Variants in ZDHHC19 observed in about 807,000 individuals in gnomAD.
ZDHHC19 encodes palmitoyltransferase ZDHHC19.
ZDHHC19 carries 30 observed loss-of-function variants against 33.9 expected under a neutral mutation model. That is an observed-to-expected ratio of 0.88 (90% confidence interval 0.66 to 1.20). The LOEUF is 1.20. ZDHHC19 is among the 50% of genes most tolerant of loss of function. The probability of loss-of-function intolerance (pLI) is 0.00; values close to 1 mark genes in which losing one functional copy is unlikely to be tolerated. For missense variants in ZDHHC19, 364 were observed against 401.1 expected (o/e 0.91, Z 0.79); for synonymous variants, 178 against 167.6 (o/e 1.06, Z -0.48).
At chr3:196,201,042 T>C (rs1452052895) in intron 5 of ZDHHC19, among the ~76,000 whole-genome samples, 1 of 151,714 alleles carries the variant, frequency 6.6e-6, no homozygotes, top group Non-Finnish European at 1.5e-5. Flanking sequence ...AAAGGAATGA[T>C]GATCTTTAAT....
chr3:196,210,331 A>C (rs967562935), intron 2 of ZDHHC19, among the ~76,000 whole-genome samples: 2 of 135,108 alleles, frequency 1.5e-5, no homozygotes, highest in Non-Finnish European at 3.2e-5. Flanking sequence ...GAAGGAAAGA[A>C]AGAAAGAAAG....
intron 5 of ZDHHC19, among the ~76,000 whole-genome samples, chr3:196,201,663 G>A (rs565168662): frequency 6.6e-6 from 1 of 152,158 alleles, no homozygotes; most frequent in African/African-American, 2.4e-5. Flanking sequence ...GGAGGTTGCA[G>A]TGAGCCGAGA....
At chr3:196,208,065 G>A (rs1399430076) in intron 4 of ZDHHC19, among the ~76,000 whole-genome samples, 2 of 151,512 alleles carry the variant, frequency 1.3e-5, no homozygotes, top group African/African-American at 4.9e-5. Context: ...CATCACGCCC[G>A]GCTAATTTTT....
chr3:196,206,350 C>T (rs1300393721), intron 5 of ZDHHC19, among the ~76,000 whole-genome samples: 1 of 151,686 alleles, frequency 6.6e-6, no homozygotes, highest in Non-Finnish European at 1.5e-5. Context: ...CTGCACCCAG[C>T]CTGGGCATTT....
At chr3:196,210,954 C>T (rs149768095) in intron 1 of ZDHHC19, among the ~76,000 whole-genome samples, 3 of 151,942 alleles carry the variant, frequency 2.0e-5, no homozygotes, top group East Asian at 3.9e-4. Flanking sequence ...TTGACCTCTG[C>T]GCCTTTGCAC....
intron 5 of ZDHHC19, among the ~76,000 whole-genome samples, chr3:196,200,544 CG>C (rs1228932457): frequency 1.3e-5 from 2 of 149,130 alleles, no homozygotes; most frequent in Non-Finnish European, 3.0e-5. Context: ...TTAGTAGAGA[CG>C]GGGTTTCACC....
chr3:196,202,859 G>A (rs192090163), intron 5 of ZDHHC19, among the ~76,000 whole-genome samples: 21 of 152,344 alleles, frequency 1.4e-4, no homozygotes, highest in Non-Finnish European at 2.5e-4. Flanking sequence ...AGGAGACTTG[G>A]CTGCTGGAGA....
At chr3:196,205,092 T>G (rs1722633873) in intron 5 of ZDHHC19, among the ~76,000 whole-genome samples, 1 of 152,014 alleles carries the variant, frequency 6.6e-6, no homozygotes, top group Non-Finnish European at 1.5e-5. Flanking sequence ...GGTGACAGAG[T>G]GAGACTCCAT....
At chr3:196,204,773 T>A (rs1166520244) in intron 5 of ZDHHC19, among the ~76,000 whole-genome samples, 3 of 152,164 alleles carry the variant, frequency 2.0e-5, no homozygotes, top group Non-Finnish European at 4.4e-5. Context: ...TGCAAAATAG[T>A]ACCACTATTT....
chr3:196,204,806 T>A (rs1423513734), intron 5 of ZDHHC19, among the ~76,000 whole-genome samples: 1 of 152,186 alleles, frequency 6.6e-6, no homozygotes, highest in African/African-American at 2.4e-5. Context: ...TGGCAATTTA[T>A]TATGAAATTA....
chr3:196,205,253 A>T (rs1722644012), intron 5 of ZDHHC19, among the ~76,000 whole-genome samples: 1 of 152,244 alleles, frequency 6.6e-6, no homozygotes, highest in South Asian at 2.1e-4. Context: ...GAAATAACAC[A>T]AACATCTTCA....
At chr3:196,211,056 C>T (rs879740032) in intron 1 of ZDHHC19, 114 bp downstream of exon 1, 55 of 1,538,152 alleles carry the variant, frequency 3.6e-5, no homozygotes, top group Non-Finnish European at 4.6e-5. Context: ...AGAATATCCC[C>T]TTTTCCCTGA....
In ZDHHC19 at chr3:196,197,909, G is replaced by A. The variant is rs553233677; in HGVS notation, c.*20-184C>T. 3.1e-3 allele frequency among the ~76,000 whole-genome samples: 474 copies of A among 152,188 alleles called. 3 individuals carry two copies. The highest frequency in any genetic ancestry group is 0.014 in the Middle Eastern group (4 of 294). ...CTGATGCTCCACCTCCATGTCTCAC[G>A]GGGCTTCGAGTCAATGTTTCCTTTA... is the stretch of plus-strand genomic sequence containing the variant. On this transcript the variant is annotated intron_variant, in intron 7 of 7. Transcript: ENST00000296326. The surrounding 1 kb of genome is among the most constrained non-coding windows in gnomAD (Gnocchi z 4.4).
At chr3:196,201,285 C>G (rs1722328209) in intron 5 of ZDHHC19, among the ~76,000 whole-genome samples, 1 of 151,544 alleles carries the variant, frequency 6.6e-6, no homozygotes, top group African/African-American at 2.4e-5. Context: ...GTTGGCCAGT[C>G]TCGAACTCCT....
rs778974636 is a variant in ZDHHC19 at position 196,211,331 on chromosome 3, G to C, written c.-16C>G. 1 of 1,591,350 alleles carries C rather than the reference G, an allele frequency of 6.3e-7. No homozygotes were observed. Among genetic ancestry groups the C allele is most frequent in the Non-Finnish European group, 8.6e-7 (1 of 1,167,828 alleles). On this transcript the variant is annotated 5_prime_UTR_variant, in exon 1 of 8. Coordinates refer to ENST00000296326, the MANE Select transcript of ZDHHC19 (RefSeq NM_001039617.2). ...AGAGTGTCATGGCTGGGCCTCCTTC[G>C]CCTCCAGGGGAGGTCAGAGCCACCA...
chr3:196,209,766 T>C (rs2108741366), intron 2 of ZDHHC19, among the ~76,000 whole-genome samples: 2 of 152,314 alleles, frequency 1.3e-5, no homozygotes, highest in Non-Finnish European at 2.9e-5. Context: ...TGTCATTGTG[T>C]AGTGAAGGGA....
At chr3:196,208,619 A>C in intron 3 of ZDHHC19, 59 bp from the exon 4 acceptor site, 1 of 1,571,182 alleles carries the variant, frequency 6.4e-7, no homozygotes, top group Non-Finnish European at 8.6e-7. Context: ...AAATTCCATC[A>C]CCCCAAATCC....
At chr3:196,208,736 T>A in intron 3 of ZDHHC19, 176 bp from the exon 4 acceptor site, 1 of 692,532 alleles carries the variant, frequency 1.4e-6, no homozygotes, top group Non-Finnish European at 2.4e-6. Flanking sequence ...GCATTTCCCT[T>A]GTTAGAGCAC....
intron 6 of ZDHHC19, 126 bp from the exon 7 acceptor site, chr3:196,198,577 A>G (rs2108708832): frequency 6.4e-7 from 1 of 1,551,038 alleles, no homozygotes; most frequent in African/African-American, 1.4e-5. Context: ...AGCCTCATCC[A>G]GGATGCAGCA....
Sources: gnomAD v4.1 joint callset for allele counts (sites outside exome capture counted in the v4.1 genomes callset) on GRCh38, gnomAD v4.1.1 for gene constraint, Gnocchi (gnomAD v3.1) non-coding constraint, MANE v1.5 for transcripts, NCBI Gene and HGNC (gene_info 2026-07-23, HGNC 2026-07-21) for gene names.